PARL: variants seen among roughly 807,000 people sequenced by gnomAD.
The protein encoded by PARL is presenilin associated rhomboid like.
PARL carries 44 observed loss-of-function variants against 51.6 expected under a neutral mutation model. That is an observed-to-expected ratio of 0.85 (90% CI 0.67 to 1.10). The LOEUF is 1.10. PARL is among the 50% of genes least tolerant of loss of function. PARL has a pLI of 0.00. For synonymous variants in PARL, 172 were observed against 164.0 expected (o/e 1.05, Z -0.37); for missense variants, 441 against 469.5 (o/e 0.94, Z 0.56).
intron 4 of PARL, among the ~76,000 whole-genome samples, chr3:183,848,660 C>T (rs1270461693): frequency 6.6e-6 from 1 of 152,162 alleles, no homozygotes; most frequent in Admixed American, 6.5e-5. Flanking sequence ...TGATTCCATG[C>T]AAAACCCACT....
intron 4 of PARL, among the ~76,000 whole-genome samples, chr3:183,848,682 C>G (rs1730236228): frequency 6.6e-6 from 1 of 152,286 alleles, no homozygotes; most frequent in East Asian, 1.9e-4. Context: ...TCAGGGCTGT[C>G]TGTTTAACCT....
chr3:183,830,276 C>T (rs1427492768), intron 9 of PARL, among the ~76,000 whole-genome samples: 2 of 152,226 alleles, frequency 1.3e-5, no homozygotes, highest in South Asian at 2.1e-4. Flanking sequence ...CCTGAAGCAA[C>T]GAGCCTGGGA....
intron 4 of PARL, among the ~76,000 whole-genome samples, chr3:183,852,905 A>G (rs1360108182): frequency 6.6e-6 from 1 of 152,214 alleles, no homozygotes; most frequent in African/African-American, 2.4e-5. Context: ...AAAAGAAAAC[A>G]AAGGGAAAAC....
rs1577262652 is a variant in PARL at position 183,829,544 on chromosome 3, C to T, written c.*54G>A. 1 of 1,614,116 alleles carries T rather than the reference C, an allele frequency of 6.2e-7. No individual in the cohort carries two copies. The highest frequency in any genetic ancestry group is 2.2e-5 in the East Asian group (1 of 44,894). ...CCATGGTCACTCTAGCCGATGTCTC[C>T]TGGGGCTCTCAGGCGGCAAGGACCA... On this transcript the variant is annotated 3_prime_UTR_variant, in exon 10 of 10. Coordinates refer to ENST00000317096, the MANE Select transcript of PARL (RefSeq NM_018622.7).
intron 4 of PARL, among the ~76,000 whole-genome samples, chr3:183,862,261 G>GTT: frequency 6.6e-6 from 1 of 152,276 alleles, no homozygotes; most frequent in Admixed American, 6.5e-5. Context: ...GCGAAAACTG[G>GTT]TTTTCGAATG....
intron 4 of PARL, among the ~76,000 whole-genome samples, chr3:183,857,750 A>G (rs1160413329): frequency 1.3e-5 from 2 of 152,218 alleles, no homozygotes; most frequent in Non-Finnish European, 2.9e-5. Flanking sequence ...TAGGCAGTCA[A>G]AAAGGGCTCC....
chr3:183,829,409 C>A lies in PARL; in HGVS notation c.*189G>T. 6.5e-7 allele frequency: 1 copy of A among 1,530,820 alleles called. No individual in the cohort carries two copies. Among genetic ancestry groups the A allele is most frequent in the African/African-American group, 1.4e-5 (1 of 72,794 alleles). 94.8% of individuals were successfully genotyped at this position (1,530,820 alleles called of 1,614,324 possible). A position where few individuals can be genotyped will look rare whatever the true frequency, so the allele number is the denominator to read the frequency against. ...ATCTGCTTACAAACTAGATAGAAAC[C>A]TTTATTTCACAACTTTATCATCATT... On this transcript the variant is annotated 3_prime_UTR_variant, in exon 10 of 10. Transcript: ENST00000317096.
At chr3:183,851,743 A>T (rs1730568324) in intron 4 of PARL, among the ~76,000 whole-genome samples, 1 of 152,198 alleles carries the variant, frequency 6.6e-6, no homozygotes, top group Non-Finnish European at 1.5e-5. Flanking sequence ...GTAAATAGAC[A>T]GTTCTCCAGA....
Position 183,840,568 on chromosome 3 carries a change from A to T in PARL, c.828+2T>A. ...AAAAAAATTTACAATAGAAATACTT[A>T]CTGCACCAAGTGATGGTCCATATCT... On this transcript the variant is annotated splice_donor_variant, in intron 7 of 9. Transcript: ENST00000317096. LOFTEE classifies it high-confidence loss of function. 7.1e-7 allele frequency: 1 copy of T among 1,404,716 alleles called. No homozygotes were observed. Among genetic ancestry groups the T allele is most frequent in the South Asian group, 1.3e-5 (1 of 79,254 alleles). 87.0% of individuals were successfully genotyped at this position (1,404,716 alleles called of 1,614,324 possible). A position where few individuals can be genotyped will look rare whatever the true frequency, so the allele number is the denominator to read the frequency against.
chr3:183,877,866 C>T (rs1329557074), intron 1 of PARL, among the ~76,000 whole-genome samples: 2 of 151,642 alleles, frequency 1.3e-5, no homozygotes, highest in Non-Finnish European at 2.9e-5. Flanking sequence ...TCTCGGCTCA[C>T]TGCAATCTCC....
At chr3:183,852,743 T>C (rs971660923) in intron 4 of PARL, among the ~76,000 whole-genome samples, 2 of 152,150 alleles carry the variant, frequency 1.3e-5, no homozygotes, top group Non-Finnish European at 2.9e-5. Flanking sequence ...TAATGGCAAA[T>C]TTTATGTTAT....
At chr3:183,879,666 CATATT>C (rs1384339964) in intron 1 of PARL, 1 of 750,520 alleles carries the variant, frequency 1.3e-6, no homozygotes, top group Non-Finnish European at 1.6e-6. Flanking sequence ...ATGTTTATTA[CATATT>C]ATATAAGGTA....
chr3:183,840,372 G>A (rs1729148642), intron 7 of PARL, among the ~76,000 whole-genome samples, 198 bp downstream of exon 7: 1 of 152,094 alleles, frequency 6.6e-6, no homozygotes, highest in Non-Finnish European at 1.5e-5. Flanking sequence ...CATTTACAAA[G>A]CTTTACAAAT....
intron 1 of PARL, among the ~76,000 whole-genome samples, chr3:183,882,979 T>A (rs77176628): frequency 0.045 from 6,827 of 152,318 alleles, 178 homozygotes; most frequent in Middle Eastern, 0.082. Flanking sequence ...TAAGAACTTA[T>A]TACCAGAGGC....
intron 4 of PARL, among the ~76,000 whole-genome samples, chr3:183,849,137 T>C (rs1730282124): frequency 6.6e-6 from 1 of 152,140 alleles, no homozygotes; most frequent in Non-Finnish European, 1.5e-5. Context: ...AATAATTAAA[T>C]GATCAGCAAG....
chr3:183,826,765 T>G (rs1202748803), downstream of PARL: 2 of 985,098 alleles, frequency 2.0e-6, no homozygotes, highest in African/African-American at 3.5e-5. Flanking sequence ...CGGGTCAGAG[T>G]GAACTCTTTG....
chr3:183,855,734 T>G (rs1378769919), intron 4 of PARL, among the ~76,000 whole-genome samples: 1 of 152,058 alleles, frequency 6.6e-6, no homozygotes, highest in Non-Finnish European at 1.5e-5. Flanking sequence ...AGGCATTAGA[T>G]TCTCATAAGG....
chr3:183,832,099 T>TA (rs2108579304), intron 9 of PARL, among the ~76,000 whole-genome samples: 1 of 152,356 alleles, frequency 6.6e-6, no homozygotes, highest in South Asian at 2.1e-4. Flanking sequence ...GCACTGCTGT[T>TA]AGAGCTAGAC....
intron 5 of PARL, 47 bp from the exon 6 acceptor site, chr3:183,842,494 A>G (rs1235619240): frequency 1.3e-6 from 2 of 1,582,694 alleles, no homozygotes; most frequent in Admixed American, 3.3e-5. Context: ...ACACACAGCC[A>G]ATAAAAATTA....
Sources: allele counts gnomAD v4.1 joint callset (sites outside exome capture counted in the v4.1 genomes callset), GRCh38; gene constraint gnomAD v4.1.1; transcripts MANE v1.5; gene names NCBI Gene and HGNC (gene_info 2026-07-23, HGNC 2026-07-21).